The following OTUD7A variants were observed in gnomAD, a reference collection of about 807,000 sequenced individuals.
The protein encoded by OTUD7A is OTU domain-containing protein 7A.
Under a neutral mutation model 65.7 loss-of-function variants are expected in OTUD7A, and 12 were observed. That is an observed-to-expected ratio of 0.18 (90% CI 0.12 to 0.30). OTUD7A has a LOEUF of 0.30. OTUD7A is among the 10% of genes least tolerant of loss of function. The pLI is 1.00. For missense variants in OTUD7A, 1,148 were observed against 1,304.8 expected (o/e 0.88, Z 1.85); for synonymous variants, 641 against 586.3 (o/e 1.09, Z -1.35).
At chr15:31,792,300 T>G (rs1895838888) in intron 1 of OTUD7A, among the ~76,000 whole-genome samples, 1 of 152,142 alleles carries the variant, frequency 6.6e-6, no homozygotes, top group Non-Finnish European at 1.5e-5. Flanking sequence ...AAGGGTCATT[T>G]TTTAACACAG....
Position 31,483,469 on chromosome 15 carries a change from G to C in OTUD7A, c.2627C>G (p.Ala876Gly). The change falls in exon 13 of 13, where the codon GCG becomes GGG. Residue 876 changes from alanine to glycine, a missense_variant. Ala to Gly is a moderately conservative substitution (Grantham distance 60, BLOSUM62 0). Coordinates refer to ENST00000307050, the MANE Select transcript of OTUD7A (RefSeq NM_001382637.1). ...RDGLEFADAD[A>G]PTARSNGECG... Reference sequence around the variant, plus strand: ...CTCACCGTTCGAGCGCGCGGTCGGCGCGTCGGCGTCGGCGAACTCCAGGCC... The same window carrying C: ...CTCACCGTTCGAGCGCGCGGTCGGCCCGTCGGCGTCGGCGAACTCCAGGCC... 7.2e-7 allele frequency: 1 copy of C among 1,383,180 alleles called. No homozygotes were observed. The allele number at this position is 1,383,180 out of a possible 1,614,324, so 85.7% of individuals were successfully genotyped here.
chr15:31,584,051 T>C lies in OTUD7A; in HGVS notation c.152-13854A>G, dbSNP rs568662333. Among the ~76,000 whole-genome samples the C allele has an allele frequency of 2.5e-4, 38 of 152,258 alleles. No individual in the cohort carries two copies. The South Asian group carries it at 6.8e-3, about 27-fold the overall frequency. On this transcript the variant is annotated intron_variant, in intron 3 of 12. Transcript: ENST00000307050. ...CAGGCAAATCAACAGCTGGTATAGA[T>C]TGACAACTCTGATGAAAAGAAAGAG...
At chr15:31,503,521 C>T (rs2041506560) in intron 9 of OTUD7A, among the ~76,000 whole-genome samples, 170 bp downstream of exon 9, 1 of 152,208 alleles carries the variant, frequency 6.6e-6, no homozygotes, top group South Asian at 2.1e-4. Context: ...TAGTCAAGAA[C>T]AATCTCTGCT....
intron 3 of OTUD7A, among the ~76,000 whole-genome samples, chr15:31,612,975 C>G (rs1462415079): frequency 1.3e-5 from 2 of 152,096 alleles, no homozygotes; most frequent in East Asian, 3.8e-4. Context: ...GAATAGAGTA[C>G]CCAGCAATAA....
chr15:31,500,697 C>T (rs1028970885), intron 10 of OTUD7A, among the ~76,000 whole-genome samples: 2 of 152,178 alleles, frequency 1.3e-5, no homozygotes, highest in African/African-American at 4.8e-5. Context: ...ATATTTACTT[C>T]CTGAGCTGCA....
chr15:31,738,900 G>A (rs560016716), intron 1 of OTUD7A, among the ~76,000 whole-genome samples: 79 of 152,256 alleles, frequency 5.2e-4, no homozygotes, highest in Non-Finnish European at 1.0e-3. Flanking sequence ...TAAAGCAAGG[G>A]ATTCCCACAC....
At position 31,684,118 on chromosome 15, in the gene OTUD7A, T is replaced by C. The variant is rs2654118; in HGVS notation, c.-99-27041A>G. Among the ~76,000 whole-genome samples, 133 of 152,168 alleles carry C rather than the reference T, an allele frequency of 8.7e-4. 1 individual carries two copies. Among genetic ancestry groups the C allele is most frequent in the Non-Finnish European group, 1.4e-3 (94 of 68,006 alleles). On this transcript the variant is annotated intron_variant, in intron 1 of 12. Coordinates refer to ENST00000307050, the MANE Select transcript of OTUD7A (RefSeq NM_001382637.1). The stretch of plus-strand genomic sequence containing the variant: ...GCCAAGGATGGGGAATCTTTCTGAC[T>C]TGCACATTGTCTCCACAAATAAGGT...
intron 1 of OTUD7A, among the ~76,000 whole-genome samples, chr15:31,832,884 C>T (rs1896970059): frequency 6.6e-6 from 1 of 152,214 alleles, no homozygotes; most frequent in Non-Finnish European, 1.5e-5. Flanking sequence ...CTTTTTGCTA[C>T]TGCTGCTATA....
chr15:31,646,742 A>T (rs1178738622), intron 3 of OTUD7A, among the ~76,000 whole-genome samples: 1 of 152,196 alleles, frequency 6.6e-6, no homozygotes, highest in Non-Finnish European at 1.5e-5. Context: ...TACAGGCGTG[A>T]GCCACCAAGC....
intron 5 of OTUD7A, among the ~76,000 whole-genome samples, chr15:31,547,267 T>C (rs1015222963): frequency 2.0e-5 from 3 of 152,242 alleles, no homozygotes; most frequent in South Asian, 2.1e-4. Context: ...ATTTAAGGGG[T>C]ACCTTAGATG....
At chr15:31,802,260 A>C (rs941795395) in intron 1 of OTUD7A, among the ~76,000 whole-genome samples, 2 of 152,028 alleles carry the variant, frequency 1.3e-5, no homozygotes, top group African/African-American at 4.8e-5. Context: ...CCAAAACTGA[A>C]GAACTTGGGA....
intron 1 of OTUD7A, among the ~76,000 whole-genome samples, chr15:31,825,819 T>G (rs1896783662): frequency 6.6e-6 from 1 of 152,206 alleles, no homozygotes; most frequent in Admixed American, 6.5e-5. Flanking sequence ...GGTGAGACAT[T>G]GGCCAAAACA....
At chr15:31,857,151 G>T (rs1007770582) in intron 1 of OTUD7A, among the ~76,000 whole-genome samples, 1 of 152,154 alleles carries the variant, frequency 6.6e-6, no homozygotes, top group Non-Finnish European at 1.5e-5. Flanking sequence ...CCAGCTCCTG[G>T]CCCAAACTTG....
intron 3 of OTUD7A, among the ~76,000 whole-genome samples, chr15:31,630,891 C>T (rs1240623585): frequency 6.6e-6 from 1 of 152,270 alleles, no homozygotes; most frequent in East Asian, 1.9e-4. Flanking sequence ...TCTGTTTTAT[C>T]AGAGACTAGG....
intron 1 of OTUD7A, among the ~76,000 whole-genome samples, chr15:31,822,192 A>G (rs931610212): frequency 6.6e-5 from 10 of 152,312 alleles, no homozygotes; most frequent in African/African-American, 2.4e-4. Context: ...TGAGGCAGCT[A>G]CTGGTGGTCA....
chr15:31,774,816 A>G (rs927518939), intron 1 of OTUD7A, among the ~76,000 whole-genome samples: 1 of 151,936 alleles, frequency 6.6e-6, no homozygotes, highest in Non-Finnish European at 1.5e-5. Context: ...AGCTTATAAC[A>G]CTTGTCTTTT....
chr15:31,484,202 G>A lies in OTUD7A; in HGVS notation c.1894C>T (p.Leu632=). 6.2e-7 allele frequency: 1 copy of A among 1,608,982 alleles called. No individual in the cohort carries two copies. The highest frequency in any genetic ancestry group is 1.3e-5 in the African/African-American group (1 of 74,998). Residue 632 remains leucine, a synonymous_variant, in exon 13 of 13, where the codon CTG becomes TTG. Transcript: ENST00000307050. This position sits in a 1 kb window ranked among gnomAD's most constrained non-coding sequence, Gnocchi z 4.5. ...STDVKLSLNI[L]RAAMQGERKF... The stretch of plus-strand genomic sequence containing the variant: ...CGCTCCCCCTGCATGGCGGCGCGCA[G>A]GATGTTGAGGCTCAGCTTCACATCC...
At chr15:31,783,584 G>A (rs1895597496) in intron 1 of OTUD7A, among the ~76,000 whole-genome samples, 1 of 152,162 alleles carries the variant, frequency 6.6e-6, no homozygotes, top group Non-Finnish European at 1.5e-5. Context: ...ATGAAGCAGT[G>A]AAAAGTATTA....
intron 3 of OTUD7A, among the ~76,000 whole-genome samples, chr15:31,629,315 T>C (rs1374221823): frequency 2.0e-5 from 3 of 152,226 alleles, no homozygotes; most frequent in African/African-American, 7.2e-5. Context: ...GTTGTTGAAT[T>C]TTGTCAAAGG....
Sources: allele counts gnomAD v4.1 joint callset (sites outside exome capture counted in the v4.1 genomes callset), GRCh38; gene constraint gnomAD v4.1.1; non-coding constraint Gnocchi (gnomAD v3.1); transcripts MANE v1.5; gene names NCBI Gene and HGNC (gene_info 2026-07-23, HGNC 2026-07-21).